The following ITGA9 variants were observed in gnomAD, a reference collection of about 807,000 sequenced individuals.
ITGA9 encodes integrin alpha-9.
Under a neutral mutation model 127.8 loss-of-function variants are expected in ITGA9, and 56 were observed. That is an observed-to-expected ratio of 0.44 (90% confidence interval 0.35 to 0.55). The LOEUF (loss-of-function observed/expected upper bound fraction) is 0.55, where lower values mean the gene tolerates loss of function less well. Ranked by LOEUF, ITGA9 falls within the 20% of genes least tolerant of loss-of-function variation. The pLI, the probability that ITGA9 is intolerant of heterozygous loss-of-function variation, is 0.00. For missense variants in ITGA9, 1,196 were observed against 1,347.1 expected (o/e 0.89, Z 1.76); for synonymous variants, 508 against 514.5 (o/e 0.99, Z 0.17).
intron 15 of ITGA9, among the ~76,000 whole-genome samples, chr3:37,614,030 G>A (rs1700050092): frequency 6.6e-6 from 1 of 152,204 alleles, no homozygotes; most frequent in Non-Finnish European, 1.5e-5. Flanking sequence ...TAGACATGAA[G>A]TCCTTGCCCA....
chr3:37,498,413 T>C (rs554069332), intron 5 of ITGA9, among the ~76,000 whole-genome samples: 5 of 151,794 alleles, frequency 3.3e-5, no homozygotes, highest in Non-Finnish European at 7.4e-5. Context: ...AGGAGGGAAG[T>C]GTCATTATGT....
chr3:37,466,979 C>G (rs992912091), intron 1 of ITGA9, among the ~76,000 whole-genome samples: 3 of 152,166 alleles, frequency 2.0e-5, no homozygotes, highest in African/African-American at 7.2e-5. Context: ...GTGGCTTGTT[C>G]TGAACTCTGG....
chr3:37,503,985 A>G (rs1271536788), intron 6 of ITGA9, among the ~76,000 whole-genome samples: 3 of 152,254 alleles, frequency 2.0e-5, no homozygotes, highest in Non-Finnish European at 4.4e-5. Flanking sequence ...GCGAAGCTAA[A>G]TTTAGGAAGG....
rs530446222 is a variant in ITGA9 at position 37,814,988 on chromosome 3, C to A, written c.3010-3903C>A. Among the ~76,000 whole-genome samples, 185 of 152,298 alleles carry A rather than the reference C, an allele frequency of 1.2e-3. No homozygotes were observed. Among genetic ancestry groups the A allele is most frequent in the Non-Finnish European group, 2.1e-3 (146 of 68,022 alleles). ...GCTGTGTTAGGAACAGGACTGGAGA[C>A]CCTGCAGTGTTAGAGTGGGGCATAG... On this transcript the variant is annotated intron_variant, in intron 27 of 27. Transcript: ENST00000264741. The surrounding 1 kb of genome is among the most constrained non-coding windows in gnomAD (Gnocchi z 4.3).
At chr3:37,688,729 T>G (rs1700803163) in intron 18 of ITGA9, among the ~76,000 whole-genome samples, 2 of 152,320 alleles carry the variant, frequency 1.3e-5, no homozygotes, top group South Asian at 4.2e-4. Flanking sequence ...TGAACTACTA[T>G]GTCCTTAAAT....
chr3:37,644,346 C>A (rs1218963856), intron 16 of ITGA9, among the ~76,000 whole-genome samples: 1 of 152,008 alleles, frequency 6.6e-6, no homozygotes, highest in African/African-American at 2.4e-5. Context: ...CACAGAAAGA[C>A]AAATACCACA....
intron 18 of ITGA9, among the ~76,000 whole-genome samples, chr3:37,700,551 T>A (rs142827391): frequency 6.6e-6 from 1 of 152,016 alleles, no homozygotes; most frequent in African/African-American, 2.4e-5. Context: ...GGTTTTGCCA[T>A]GTTGCCCAGG....
At chr3:37,704,019 C>A (rs866718030) in intron 18 of ITGA9, among the ~76,000 whole-genome samples, 2 of 152,150 alleles carry the variant, frequency 1.3e-5, no homozygotes, top group African/African-American at 4.8e-5. Context: ...AGGCTGACTC[C>A]AGTGTGCTCT....
At chr3:37,482,774 A>G (rs1472519230) in intron 4 of ITGA9, among the ~76,000 whole-genome samples, 3 of 152,148 alleles carry the variant, frequency 2.0e-5, no homozygotes, top group Admixed American at 2.0e-4. Context: ...CCTCTCCCCT[A>G]TAGAGTGAGC....
intron 18 of ITGA9, among the ~76,000 whole-genome samples, chr3:37,717,327 C>T (rs1193980144): frequency 1.3e-5 from 2 of 152,218 alleles, no homozygotes; most frequent in Non-Finnish European, 2.9e-5. Flanking sequence ...CCCTTAGCTA[C>T]ATCAGGCAGT....
At position 37,750,477 on chromosome 3, in the gene ITGA9, C is replaced by T; in HGVS notation, c.2449C>T (p.Pro817Ser). The change falls in exon 23 of 28, where the codon CCA becomes TCA. Residue 817 changes from proline (P) to serine (S), a missense_variant. Coordinates refer to ENST00000264741, the MANE Select transcript of ITGA9 (RefSeq NM_002207.3). Reference sequence around the variant, plus strand: ...ACACCCACAGGTCTACAACACTGGCCCAAGCACCCTTCCAGGGTCATCTGT... The same window carrying T: ...ACACCCACAGGTCTACAACACTGGCTCAAGCACCCTTCCAGGGTCATCTGT... ...NITLQVYNTGPSTLPGSSVSI... is the reference protein window; with the variant it reads ...NITLQVYNTGSSTLPGSSVSI... The T allele has an allele frequency of 6.2e-7, 1 of 1,612,274 alleles. No individual in the cohort carries two copies. Among genetic ancestry groups the T allele is most frequent in the Non-Finnish European group, 8.5e-7 (1 of 1,178,362 alleles).
chr3:37,614,776 T>C (rs1700057961), intron 15 of ITGA9, among the ~76,000 whole-genome samples: 1 of 152,124 alleles, frequency 6.6e-6, no homozygotes, highest in South Asian at 2.1e-4. Flanking sequence ...TGTCTGTTAT[T>C]GGTGTATAAG....
chr3:37,784,741 G>A (rs1697018235), intron 25 of ITGA9, among the ~76,000 whole-genome samples: 1 of 152,136 alleles, frequency 6.6e-6, no homozygotes, highest in South Asian at 2.1e-4. Flanking sequence ...TGCGTGTGTT[G>A]ATTACTGGCA....
At chr3:37,559,410 G>C (rs78320537) in intron 15 of ITGA9, among the ~76,000 whole-genome samples, 1 of 152,134 alleles carries the variant, frequency 6.6e-6, no homozygotes, top group African/African-American at 2.4e-5. Flanking sequence ...TACCCCAAAG[G>C]GTTGGTGTGA....
intron 15 of ITGA9, among the ~76,000 whole-genome samples, chr3:37,618,710 A>C (rs1700099156): frequency 6.6e-6 from 1 of 152,206 alleles, no homozygotes; most frequent in Middle Eastern, 3.4e-3. Context: ...TTGATCTCAG[A>C]CTGCTGTGCT....
chr3:37,723,447 G>T (rs1211907881), intron 18 of ITGA9, among the ~76,000 whole-genome samples: 1 of 151,914 alleles, frequency 6.6e-6, no homozygotes, highest in Non-Finnish European at 1.5e-5. Flanking sequence ...TGCAATCTCC[G>T]CCTGCTGGGT....
intron 15 of ITGA9, among the ~76,000 whole-genome samples, chr3:37,573,696 T>A (rs571967112): frequency 6.6e-6 from 1 of 152,314 alleles, no homozygotes; most frequent in African/African-American, 2.4e-5. Context: ...ACTTCTGTGA[T>A]CTGGCAATAG....
intron 16 of ITGA9, among the ~76,000 whole-genome samples, chr3:37,650,396 A>T (rs1377321538): frequency 2.6e-5 from 4 of 152,048 alleles, no homozygotes; most frequent in Non-Finnish European, 5.9e-5. Flanking sequence ...ATTCACATCA[A>T]TTCTTTGTCT....
At chr3:37,459,423 T>A (rs1698293927) in intron 1 of ITGA9, among the ~76,000 whole-genome samples, 1 of 152,214 alleles carries the variant, frequency 6.6e-6, no homozygotes, top group Admixed American at 6.5e-5. Flanking sequence ...GTGTTCTCAC[T>A]CTAAGCTCAC....
Sources: gnomAD v4.1 joint callset for allele counts (sites outside exome capture counted in the v4.1 genomes callset) on GRCh38, gnomAD v4.1.1 for gene constraint, Gnocchi (gnomAD v3.1) non-coding constraint, MANE v1.5 for transcripts, NCBI Gene and HGNC (gene_info 2026-07-23, HGNC 2026-07-21) for gene names.